The following SEZ6L2 variants were observed in gnomAD, a reference collection of about 807,000 sequenced individuals.
SEZ6L2 encodes seizure related 6 homolog like 2.
A neutral mutation model predicts 97.0 loss-of-function variants in SEZ6L2; 44 were observed. The ratio of observed to expected loss-of-function variants is 0.45; its 90% CI spans 0.36 to 0.58. The LOEUF (loss-of-function observed/expected upper bound fraction) is 0.58, where lower values mean the gene tolerates loss of function less well. Ranked by LOEUF, SEZ6L2 falls within the 20% of genes least tolerant of loss-of-function variation. The pLI, the probability that SEZ6L2 is intolerant of heterozygous loss-of-function variation, is 0.00. For missense variants in SEZ6L2, 1,086 were observed against 1,233.3 expected, an observed-to-expected ratio of 0.88 and a Z score of 1.79; for synonymous variants, 543 against 546.1, an observed-to-expected ratio of 0.99 and a Z score of 0.08.
At chr16:29,891,649 A>T (rs193115881) in intron 5 of SEZ6L2, among the ~76,000 whole-genome samples, 2 of 152,124 alleles carry the variant, frequency 1.3e-5, no homozygotes, top group Non-Finnish European at 2.9e-5. Flanking sequence ...TCAAAAAAAA[A>T]AAAGGGCTAG....
chr16:29,872,348 C>A, intron 16 of SEZ6L2, 61 bp downstream of exon 16: 1 of 1,601,436 alleles, frequency 6.2e-7, no homozygotes, highest in South Asian at 1.1e-5. Flanking sequence ...CTGACCCAGG[C>A]TCCAGTGCCA....
Position 29,873,696 on chromosome 16 carries a change from T to C in SEZ6L2, c.2138A>G (p.Asn713Ser). 1 of 1,606,566 alleles carries C rather than the reference T, an allele frequency of 6.2e-7. No individual in the cohort carries two copies. The highest frequency in any genetic ancestry group is 8.5e-7 in the Non-Finnish European group (1 of 1,177,448). Residue 713 changes from asparagine to serine, a missense_variant, in exon 13 of 18, where the codon AAC becomes AGC. Around this residue, in one of 2 missense-constraint regions of SEZ6L2, gnomAD observed 310 missense variants for 438.6 expected, o/e 0.71. Coordinates refer to ENST00000617533, the MANE Select transcript of SEZ6L2 (RefSeq NM_001243332.2). This position sits in a 1 kb window ranked among gnomAD's most constrained non-coding sequence, Gnocchi z 4.3. ...GGCGTCCGAGGCGGTGCGGTGCCCG[T>C]TGGCAATCTCGCCAGGGTCAGCACA... ...MTCADPGEIANGHRTASDAGF... is the reference protein window; with the variant it reads ...MTCADPGEIASGHRTASDAGF...
chr16:29,885,651 G>A lies in SEZ6L2; in HGVS notation c.1307C>T (p.Ser436Phe), dbSNP rs1333644348. The A allele has an allele frequency of 6.2e-7, 1 of 1,614,068 alleles. No individual in the cohort carries two copies. The highest frequency in any genetic ancestry group is 1.3e-5 in the African/African-American group (1 of 75,008). The change falls in exon 8 of 18, where the codon TCC (serine) becomes TTC (phenylalanine). Residue 436 changes from serine (S) to phenylalanine (F), a missense_variant. Transcript: ENST00000617533. Reference protein sequence around the residue: ...PERGLISDAQSLYVELLSETP... With the variant: ...PERGLISDAQFLYVELLSETP... ...CTCTGACAGCAGCTCCACGTAGAGG[G>A]ACTGGGCGTCACTGATGAGACCCCG...
chr16:29,873,765 G>A lies in SEZ6L2; in HGVS notation c.2105-36C>T. On this transcript the variant is annotated intron_variant, in intron 12 of 17. Transcript: ENST00000617533. This position sits in a 1 kb window ranked among gnomAD's most constrained non-coding sequence, Gnocchi z 4.3. ...AAGAACAAGGTCAGGGGGAGCGAGG[G>A]CCTTCAAAGATCAGCCTGGGCAACA... The A allele has an allele frequency of 6.6e-7, 1 of 1,522,682 alleles. No individual in the cohort carries two copies. Among genetic ancestry groups the A allele is most frequent in the Non-Finnish European group, 8.8e-7 (1 of 1,136,890 alleles). 94.3% of individuals were successfully genotyped at this position (1,522,682 alleles called of 1,614,324 possible).
chr16:29,878,172 G>A (rs2067949929), intron 10 of SEZ6L2, 115 bp downstream of exon 10: 4 of 1,297,128 alleles, frequency 3.1e-6, no homozygotes, highest in Non-Finnish European at 4.1e-6. Flanking sequence ...CCTATCCACC[G>A]AATTCTGGAT....
chr16:29,897,089 G>T lies in SEZ6L2; in HGVS notation c.244C>A (p.Pro82Thr). 1 of 1,581,548 alleles carries T rather than the reference G, an allele frequency of 6.3e-7. No homozygotes were observed. The highest frequency in any genetic ancestry group is 8.5e-7 in the Non-Finnish European group (1 of 1,171,468). ...SDRDPTLATP[P>T]AGQTLAVPSL... is the part of the protein sequence containing the mutation. ...GGCACTGCGAGAGTCTGGCCGGCCG[G>T]AGGGGTGGCTAGCGTGGGGTCCCGA... The change falls in exon 3 of 18, where the codon CCG (proline) becomes ACG (threonine). Residue 82 changes from proline (P) to threonine (T), a missense_variant. Coordinates refer to ENST00000617533, the MANE Select transcript of SEZ6L2 (RefSeq NM_001243332.2).
rs548353327 is a variant in SEZ6L2, at chr16:29,895,095, C to T, written c.853+164G>A. On this transcript the variant is annotated intron_variant, in intron 5 of 17. Transcript: ENST00000617533. ...TTGAGAGGCTGAGGCAGGAGAATGG[C>T]GTGAACCTGGGAGGCAGAGCTTGCA... is the stretch of plus-strand genomic sequence containing the variant. Among the ~76,000 whole-genome samples the T allele has an allele frequency of 2.0e-5, 3 of 148,216 alleles. No individual in the cohort carries two copies. In the South Asian group the frequency reaches 6.5e-4, roughly 32 times the overall value.
In SEZ6L2 at chr16:29,873,538, A is replaced by G. The variant is rs751453998; in HGVS notation, c.2296T>C (p.Leu766=). The G allele has an allele frequency of 2.5e-6, 4 of 1,614,124 alleles. No homozygotes were observed. In the South Asian group the frequency reaches 4.4e-5, roughly 18 times the overall value. ...KWSDRVPKCA[L]KYEPCLNPGV... ...CTCCCAGGGTGTGCCCCAGACTCAC[A>G]GGCGCATTTGGGGACCCTATCGCTC... The change falls in exon 13 of 18, where the codon TTG becomes CTG. Residue 766 remains leucine, a splice_region_variant and synonymous_variant. Transcript: ENST00000617533. The surrounding 1 kb of genome is among the most constrained non-coding windows in gnomAD (Gnocchi z 4.3).
At chr16:29,898,423 TTC>T (rs112555002) in intron 1 of SEZ6L2, among the ~76,000 whole-genome samples, 7,049 of 146,552 alleles carry the variant, frequency 0.048, 466 homozygotes, top group African/African-American at 0.16. Flanking sequence ...TGGCTGTCTT[TTC>T]TCTCTCTCTC....
At chr16:29,898,136 A>G (rs1596997071) in intron 1 of SEZ6L2, 152 bp from the exon 2 acceptor site, 2 of 1,092,736 alleles carry the variant, frequency 1.8e-6, no homozygotes, top group East Asian at 5.3e-5. Flanking sequence ...AGATCGGAGG[A>G]GGGGCTCCCA....
chr16:29,898,661 G>C (rs968139309), intron 1 of SEZ6L2, among the ~76,000 whole-genome samples: 1 of 152,058 alleles, frequency 6.6e-6, no homozygotes, highest in Non-Finnish European at 1.5e-5. Flanking sequence ...TGCTTCTGCC[G>C]CCTCCGCAGA....
chr16:29,880,021 T>C lies in SEZ6L2; in HGVS notation c.1416A>G (p.Gly472=). The part of the protein sequence containing the change: ...DRCFAPFLAH[G]NVTTTDPEYR... ...ACTCAGGGTCCGTGGTAGTGACATTTCCATGTGCCAGGAAGGGGGCGAAGC... is the reference window on the plus strand; with the variant it reads ...ACTCAGGGTCCGTGGTAGTGACATTCCCATGTGCCAGGAAGGGGGCGAAGC... Residue 472 remains glycine (G), a synonymous_variant, in exon 9 of 18, where the codon GGA becomes GGG. Transcript: ENST00000617533. 4 of 1,614,158 alleles carry C rather than the reference T, an allele frequency of 2.5e-6. No homozygotes were observed. Among genetic ancestry groups the C allele is most frequent in the Non-Finnish European group, 3.4e-6 (4 of 1,180,018 alleles).
chr16:29,878,952 G>A (rs1281061549), intron 9 of SEZ6L2, among the ~76,000 whole-genome samples: 1 of 151,794 alleles, frequency 6.6e-6, no homozygotes, highest in Non-Finnish European at 1.5e-5. Flanking sequence ...GCCCAGGCTG[G>A]AGTGCAGTGG....
At chr16:29,872,097 C>T (rs1183424910) in intron 17 of SEZ6L2, 90 bp downstream of exon 17, 1 of 1,123,186 alleles carries the variant, frequency 8.9e-7, no homozygotes, top group African/African-American at 1.6e-5. Flanking sequence ...TTGAAATTCC[C>T]AAGACAGAGA....
Position 29,876,942 on chromosome 16 carries a change from T to C in SEZ6L2, c.1918A>G (p.Arg640Gly), listed in dbSNP as rs2067916771. ...GFVLHFKEVP[R>G]NDTCPELPPP... ...GGCAGCTCGGGGCACGTGTCGTTCC[T>C]CGGGACCTCTGCAGGGGAGGGAAGG... Residue 640 changes from arginine (R) to glycine (G), a missense_variant, in exon 12 of 18, where the codon AGG (arginine) becomes GGG (glycine). Arg to Gly is a moderately radical substitution (Grantham distance 125, BLOSUM62 -2). Around this residue, in one of 2 missense-constraint regions of SEZ6L2, gnomAD observed 310 missense variants for 438.6 expected, o/e 0.71. Transcript: ENST00000617533. This position sits in a 1 kb window ranked among gnomAD's most constrained non-coding sequence, Gnocchi z 6.5. 1.2e-6 allele frequency: 2 copies of C among 1,605,486 alleles called. No homozygotes were observed. The highest frequency in any genetic ancestry group is 1.3e-5 in the African/African-American group (1 of 74,768).
intron 5 of SEZ6L2, among the ~76,000 whole-genome samples, chr16:29,892,129 G>C (rs1377020286): frequency 6.6e-6 from 1 of 152,176 alleles, no homozygotes; most frequent in African/African-American, 2.4e-5. Context: ...CTTTGTAATG[G>C]GAAAGTTTGC....
intron 6 of SEZ6L2, 93 bp from the exon 7 acceptor site, chr16:29,887,910 C>G: frequency 7.1e-7 from 1 of 1,409,918 alleles, no homozygotes; most frequent in Non-Finnish European, 9.6e-7. Context: ...GTTGCATTCA[C>G]ACATTTGGCT....
At chr16:29,898,446 TC>T (rs1429732968) in intron 1 of SEZ6L2, among the ~76,000 whole-genome samples, 1 of 147,976 alleles carries the variant, frequency 6.8e-6, no homozygotes, top group Admixed American at 6.7e-5. Context: ...TCTCTCTCTC[TC>T]CCCCCCACCC....
chr16:29,877,961 T>G (rs1332273105), intron 10 of SEZ6L2, among the ~76,000 whole-genome samples: 1 of 152,226 alleles, frequency 6.6e-6, no homozygotes, highest in African/African-American at 2.4e-5. Flanking sequence ...AACGCAACAG[T>G]TTGGGTCTGT....
Sources: allele counts gnomAD v4.1 joint callset (sites outside exome capture counted in the v4.1 genomes callset), GRCh38; gene constraint gnomAD v4.1.1; regional missense constraint gnomAD v4.1.1; non-coding constraint Gnocchi (gnomAD v3.1); transcripts MANE v1.5; gene names NCBI Gene and HGNC (gene_info 2026-07-23, HGNC 2026-07-21).